DENND5B: variants seen among roughly 807,000 people sequenced by gnomAD.
The protein encoded by DENND5B is DENN domain containing 5B, also known as DENN domain-containing protein 5B.
A neutral mutation model predicts 140.6 loss-of-function variants in DENND5B; 34 were observed. The observed-to-expected ratio is 0.24, with a 90% CI of 0.18 to 0.32. The LOEUF is 0.32. Among genes scored for constraint, DENND5B ranks in the 10% least tolerant of loss-of-function variants. The pLI is 1.00. For synonymous variants in DENND5B, 551 were observed against 562.1 expected (o/e 0.98, Z 0.28); for missense variants, 1,142 against 1,560.2 (o/e 0.73, Z 4.52).
chr12:31,406,138 G>C (rs1434069428), intron 14 of DENND5B, among the ~76,000 whole-genome samples: 1 of 151,978 alleles, frequency 6.6e-6, no homozygotes, highest in Non-Finnish European at 1.5e-5. Flanking sequence ...GAGCCACCAT[G>C]CCCAGCCATT....
Position 31,480,001 on chromosome 12 carries a change from T to C in DENND5B, c.492A>G (p.Glu164=). 1 of 1,614,038 alleles carries C rather than the reference T, an allele frequency of 6.2e-7. No homozygotes were observed. Among genetic ancestry groups the C allele is most frequent in the Non-Finnish European group, 8.5e-7 (1 of 1,179,884 alleles). Residue 164 remains glutamate (E), a synonymous_variant, in exon 3 of 21, where the codon GAA becomes GAG. Coordinates refer to ENST00000389082, the MANE Select transcript of DENND5B (RefSeq NM_144973.4). ...SMDSLASSLD[E]GDTTSLLKLQ... Reference sequence around the variant, plus strand: ...GTTTCAAAAGGGAAGTTGTATCTCCTTCATCAAGACTACTTGCCAATGAGT... The same window carrying C: ...GTTTCAAAAGGGAAGTTGTATCTCCCTCATCAAGACTACTTGCCAATGAGT...
chr12:31,488,528 A>G (rs1448401304), intron 2 of DENND5B, among the ~76,000 whole-genome samples: 1 of 152,242 alleles, frequency 6.6e-6, no homozygotes, highest in African/African-American at 2.4e-5. Context: ...TCTATGCTAC[A>G]GACAACAGAT....
At chr12:31,432,281 T>G in intron 8 of DENND5B, 54 of 174,974 alleles carry the variant, frequency 3.1e-4, no homozygotes, top group South Asian at 7.7e-4. Context: ...GAAAATACAG[T>G]AGCCGGAAAA....
intron 4 of DENND5B, among the ~76,000 whole-genome samples, chr12:31,454,943 C>T (rs1304486424): frequency 6.6e-6 from 1 of 151,162 alleles, no homozygotes; most frequent in African/African-American, 2.4e-5. Flanking sequence ...CTCAGCCTCC[C>T]AAGTAGCTGG....
intron 1 of DENND5B, among the ~76,000 whole-genome samples, chr12:31,546,917 T>G (rs947648199): frequency 6.6e-6 from 1 of 152,226 alleles, no homozygotes; most frequent in Non-Finnish European, 1.5e-5. Context: ...TCTAAAAATA[T>G]CATACTAACA....
In DENND5B at chr12:31,479,612, A is replaced by G; in HGVS notation, c.881T>C (p.Met294Thr). The change falls in exon 3 of 21, where the codon ATG (methionine) becomes ACG (threonine). Residue 294 changes from methionine (M) to threonine (T), a missense_variant. By Grantham distance (81) the Met-to-Thr change is moderately conservative. Coordinates refer to ENST00000389082, the MANE Select transcript of DENND5B (RefSeq NM_144973.4). ...VQVFTCVLLEMQILLYSQDYQ... is the reference protein window; with the variant it reads ...VQVFTCVLLETQILLYSQDYQ... ...ACCTTGTGAGTAGAGAAGGATTTGCATCTCTAAAAGAACACAGGTAAACAC... is the reference window on the plus strand; with the variant it reads ...ACCTTGTGAGTAGAGAAGGATTTGCGTCTCTAAAAGAACACAGGTAAACAC... The G allele has an allele frequency of 6.7e-7, 1 of 1,501,012 alleles. No individual in the cohort carries two copies. Among genetic ancestry groups the G allele is most frequent in the South Asian group, 1.4e-5 (1 of 70,882 alleles). 93.0% of individuals were successfully genotyped at this position (1,501,012 alleles called of 1,614,324 possible).
At chr12:31,467,556 T>C (rs1322420099) in intron 3 of DENND5B, among the ~76,000 whole-genome samples, 2 of 152,164 alleles carry the variant, frequency 1.3e-5, no homozygotes, top group Non-Finnish European at 2.9e-5. Flanking sequence ...GTAGGATTGC[T>C]TGAGCCCAGG....
intron 2 of DENND5B, among the ~76,000 whole-genome samples, chr12:31,484,872 A>G (rs565111810): frequency 3.9e-5 from 6 of 152,318 alleles, no homozygotes; most frequent in African/African-American, 1.4e-4. Flanking sequence ...CTCTTATTCT[A>G]CACAGCAACA....
intron 15 of DENND5B, among the ~76,000 whole-genome samples, chr12:31,400,949 T>C (rs561726573): frequency 2.7e-4 from 41 of 152,140 alleles, no homozygotes; most frequent in Middle Eastern, 6.8e-3. Flanking sequence ...TTCAAGCGAT[T>C]CTCCTGCCTC....
In DENND5B at chr12:31,447,674, A is replaced by G; in HGVS notation, c.1725T>C (p.Ile575=). ...QMFATFIDNK[I]MSQWEEKDPL... is the part of the protein sequence containing the mutation. ...GATCTTTCTCTTCCCACTGAGACAT[A>G]ATTTTATTATCAATAAAGGTGGCAA... The change falls in exon 6 of 21, where the codon ATT becomes ATC. Residue 575 remains isoleucine (I), a synonymous_variant. Transcript: ENST00000389082. 2 of 1,613,556 alleles carry G rather than the reference A, an allele frequency of 1.2e-6. No individual in the cohort carries two copies. The highest frequency in any genetic ancestry group is 1.7e-6 in the Non-Finnish European group (2 of 1,179,742).
chr12:31,588,563 G>A (rs955685455), intron 1 of DENND5B, among the ~76,000 whole-genome samples: 1 of 152,096 alleles, frequency 6.6e-6, no homozygotes, highest in African/African-American at 2.4e-5. Flanking sequence ...ACATTACAAC[G>A]TAACAGGTAT....
chr12:31,551,323 C>A (rs1565687216), intron 1 of DENND5B, among the ~76,000 whole-genome samples: 1 of 152,078 alleles, frequency 6.6e-6, no homozygotes, highest in African/African-American at 2.4e-5. Context: ...ATAGGGAATC[C>A]TTTCCCCATT....
At chr12:31,478,367 C>T (rs866496448) in intron 3 of DENND5B, among the ~76,000 whole-genome samples, 6 of 152,140 alleles carry the variant, frequency 3.9e-5, no homozygotes, top group Admixed American at 6.5e-5. Context: ...CGGCACCAGT[C>T]GGGATTGCAC....
chr12:31,541,160 T>C (rs1041079778), intron 1 of DENND5B: 13 of 282,472 alleles, frequency 4.6e-5, no homozygotes, highest in East Asian at 9.4e-5. Flanking sequence ...AAGGATTTCT[T>C]GAGTAATACC....
chr12:31,480,402 T>A, intron 2 of DENND5B, 147 bp from the exon 3 acceptor site: 1 of 773,184 alleles, frequency 1.3e-6, no homozygotes, highest in Non-Finnish European at 1.9e-6. Flanking sequence ...ATTAGAAATA[T>A]ATTATAAATT....
At chr12:31,507,569 C>G (rs1469721324) in intron 1 of DENND5B, among the ~76,000 whole-genome samples, 2 of 151,880 alleles carry the variant, frequency 1.3e-5, no homozygotes, top group African/African-American at 2.4e-5. Flanking sequence ...AAGGAATAAA[C>G]AAAGTTTTTG....
At chr12:31,569,114 T>G (rs1201158148) in intron 1 of DENND5B, among the ~76,000 whole-genome samples, 3 of 143,030 alleles carry the variant, frequency 2.1e-5, no homozygotes, top group African/African-American at 8.0e-5. Context: ...TCACCCAGGC[T>G]GGAGTACAGT....
At chr12:31,539,877 G>C (rs544208969) in intron 1 of DENND5B, among the ~76,000 whole-genome samples, 1 of 151,968 alleles carries the variant, frequency 6.6e-6, no homozygotes, top group African/African-American at 2.4e-5. Context: ...GTCCTAGCTA[G>C]AGCAATCAGA....
At chr12:31,544,869 T>C (rs902768721) in intron 1 of DENND5B, among the ~76,000 whole-genome samples, 29 of 152,074 alleles carry the variant, frequency 1.9e-4, no homozygotes, top group Admixed American at 1.7e-3. Flanking sequence ...ATTAAGACTT[T>C]AGAGGAAAGT....
Sources: allele counts gnomAD v4.1 joint callset (sites outside exome capture counted in the v4.1 genomes callset), GRCh38; gene constraint gnomAD v4.1.1; transcripts MANE v1.5; gene names NCBI Gene and HGNC (gene_info 2026-07-23, HGNC 2026-07-21).